Variants in FARS2 observed in about 807,000 individuals in gnomAD.
FARS2 encodes the protein phenylalanyl-tRNA synthetase 2, mitochondrial, also known as phenylalanine--tRNA ligase, mitochondrial.
In FARS2, 40 loss-of-function variants were observed where a neutral mutation model predicts 46.4. The ratio of observed to expected loss-of-function variants is 0.86; its 90% CI spans 0.67 to 1.12. FARS2 has a LOEUF of 1.12. Among genes scored for constraint, FARS2 ranks in the 50% most tolerant of loss-of-function variants. The pLI is 0.00. For synonymous variants in FARS2, 234 were observed against 214.9 expected, an observed-to-expected ratio of 1.09 and a Z score of -0.78; for missense variants, 513 against 567.9, an observed-to-expected ratio of 0.90 and a Z score of 0.98.
At chr6:5,370,354 G>A (rs950348205) in intron 2 of FARS2, among the ~76,000 whole-genome samples, 2 of 151,910 alleles carry the variant, frequency 1.3e-5, no homozygotes, top group African/African-American at 4.8e-5. Flanking sequence ...GCTGGATCTC[G>A]GGGGATCTCA....
chr6:5,390,021 C>T (rs962860055), intron 2 of FARS2, among the ~76,000 whole-genome samples: 4 of 152,074 alleles, frequency 2.6e-5, no homozygotes, highest in East Asian at 3.9e-4. Context: ...CGCGCCACCA[C>T]GCCAGGCTAA....
At chr6:5,397,905 A>G (rs1323035252) in intron 2 of FARS2, among the ~76,000 whole-genome samples, 2 of 152,136 alleles carry the variant, frequency 1.3e-5, no homozygotes, top group Non-Finnish European at 2.9e-5. Flanking sequence ...GGTACTGGCC[A>G]TATATTTTGT....
In FARS2 at chr6:5,284,843, C is replaced by T. The variant is rs73718037; in HGVS notation, c.-22+23183C>T. Among the ~76,000 whole-genome samples the T allele has an allele frequency of 3.4e-3, 523 of 152,290 alleles. 6 individuals carry two copies. Among genetic ancestry groups the T allele is most frequent in the African/African-American group, 0.012 (497 of 41,560 alleles). ...CTGTCTTCTCCCCAGAGCCTCCCTC[C>T]GTGGCCTTTCGACTCCGGTGATCAC... On this transcript the variant is annotated intron_variant, in intron 1 of 6. Coordinates refer to ENST00000274680, the MANE Select transcript of FARS2 (RefSeq NM_006567.5).
intron 1 of FARS2, among the ~76,000 whole-genome samples, chr6:5,346,870 A>G (rs938127458): frequency 1.3e-5 from 2 of 150,852 alleles, no homozygotes; most frequent in Non-Finnish European, 2.9e-5. Context: ...TAAAATTTCC[A>G]TACAGTGAAC....
At chr6:5,483,421 A>G (rs1766590863) in intron 4 of FARS2, among the ~76,000 whole-genome samples, 1 of 152,192 alleles carries the variant, frequency 6.6e-6, no homozygotes, top group South Asian at 2.1e-4. Context: ...GCTCATGGCT[A>G]TAATCCCAGG....
chr6:5,506,948 C>T (rs867623923), intron 4 of FARS2, among the ~76,000 whole-genome samples: 19 of 152,184 alleles, frequency 1.2e-4, no homozygotes, highest in Non-Finnish European at 1.5e-4. Context: ...TTCCTGGATA[C>T]ATGTCTACTG....
chr6:5,554,190 T>C (rs573869954), intron 5 of FARS2, among the ~76,000 whole-genome samples: 2 of 152,336 alleles, frequency 1.3e-5, no homozygotes, highest in South Asian at 2.1e-4. Flanking sequence ...GTGAGGGAGC[T>C]ATGTGAATAA....
intron 2 of FARS2, among the ~76,000 whole-genome samples, chr6:5,392,870 T>C (rs1760639852): frequency 4.1e-5 from 6 of 146,898 alleles, no homozygotes; most frequent in Admixed American, 6.9e-5. Flanking sequence ...GTGTATATAT[T>C]ATATATATGT....
chr6:5,581,811 A>T (rs2150581990), intron 5 of FARS2, among the ~76,000 whole-genome samples: 1 of 152,134 alleles, frequency 6.6e-6, no homozygotes. Flanking sequence ...TTAATTCCTG[A>T]TGCGCTTTTC....
At chr6:5,339,833 A>G (rs1398458726) in intron 1 of FARS2, among the ~76,000 whole-genome samples, 1 of 152,322 alleles carries the variant, frequency 6.6e-6, no homozygotes, top group Non-Finnish European at 1.5e-5. Context: ...TGCTGTTATT[A>G]TAATCTTACA....
chr6:5,414,816 T>G (rs1026643727), intron 3 of FARS2, among the ~76,000 whole-genome samples: 5 of 135,870 alleles, frequency 3.7e-5, no homozygotes, highest in African/African-American at 5.5e-5. Context: ...TGACTGTTTT[T>G]TTTTTTTTTT....
chr6:5,677,396 G>GC (rs1778819840), intron 6 of FARS2, among the ~76,000 whole-genome samples: 1 of 152,096 alleles, frequency 6.6e-6, no homozygotes, highest in Non-Finnish European at 1.5e-5. Flanking sequence ...CCTCTGCCTC[G>GC]CCCCTTCACA....
chr6:5,652,053 G>A (rs189233944), intron 6 of FARS2, among the ~76,000 whole-genome samples: 6 of 152,296 alleles, frequency 3.9e-5, no homozygotes, highest in South Asian at 2.1e-4. Flanking sequence ...GTGTGAAAGG[G>A]GATCTGACAG....
upstream of FARS2, among the ~76,000 whole-genome samples, chr6:5,257,170 G>A (rs1764716354): frequency 6.6e-6 from 1 of 152,128 alleles, no homozygotes; most frequent in South Asian, 2.1e-4. Flanking sequence ...TGTGAGCTAA[G>A]GGTAAAGTCC....
At chr6:5,736,669 T>A (rs1041445704) in intron 6 of FARS2, among the ~76,000 whole-genome samples, 7 of 146,814 alleles carry the variant, frequency 4.8e-5, no homozygotes, top group Non-Finnish European at 7.4e-5. Flanking sequence ...CCTTAAGGGA[T>A]TTTTTTTTTT....
intron 6 of FARS2, among the ~76,000 whole-genome samples, chr6:5,649,631 A>G (rs551637095): frequency 1.3e-5 from 2 of 152,396 alleles, no homozygotes; most frequent in Admixed American, 1.3e-4. Flanking sequence ...TGGCAACTCA[A>G]TAAAGTGAAT....
At chr6:5,715,635 T>TTA (rs1252133537) in intron 6 of FARS2, among the ~76,000 whole-genome samples, 23 of 152,244 alleles carry the variant, frequency 1.5e-4, no homozygotes, top group African/African-American at 5.5e-4. Context: ...TTCATTCATA[T>TTA]TATAGCATGT....
Position 5,545,326 on chromosome 6 carries a change from A to C in FARS2, c.1051A>C (p.Lys351Gln), listed in dbSNP as rs748818657. The C allele has an allele frequency of 1.4e-5, 23 of 1,613,344 alleles. No homozygotes were observed. In the East Asian group the frequency reaches 5.1e-4, roughly 36 times the overall value. The change falls in exon 5 of 7, where the codon AAG becomes CAG. Residue 351 changes from lysine to glutamine, a missense_variant. Lys to Gln is a moderately conservative substitution (Grantham distance 53). Transcript: ENST00000274680. ...GTTCTGTGTATCCAACATTAATCAG[A>C]AGGTGAAGTTTCAGGTAAGATGACT... ...KQFCVSNINQ[K>Q]VKFQPLSKYP... is the part of the protein sequence containing the mutation.
chr6:5,588,041 T>G (rs1249560456), intron 5 of FARS2, among the ~76,000 whole-genome samples: 1 of 152,100 alleles, frequency 6.6e-6, no homozygotes, highest in Non-Finnish European at 1.5e-5. Flanking sequence ...TAGTGGTCCT[T>G]TCTGGCCTTT....
Sources: allele counts gnomAD v4.1 joint callset (sites outside exome capture counted in the v4.1 genomes callset), GRCh38; gene constraint gnomAD v4.1.1; transcripts MANE v1.5; gene names NCBI Gene and HGNC (gene_info 2026-07-23, HGNC 2026-07-21).